Variants in MAST4 observed in about 807,000 individuals in gnomAD.
MAST4 encodes the protein microtubule-associated serine/threonine-protein kinase 4.
A neutral mutation model predicts 162.7 loss-of-function variants in MAST4; 89 were observed. That is an observed-to-expected ratio of 0.55 (90% confidence interval 0.46 to 0.65). The LOEUF (loss-of-function observed/expected upper bound fraction) is 0.65. MAST4 is among the 30% of genes least tolerant of loss of function. The pLI is 0.00. For missense variants in MAST4, 3,153 were observed against 3,374.0 expected, an observed-to-expected ratio of 0.93 and a Z score of 1.62; for synonymous variants, 1,479 against 1,361.1, an observed-to-expected ratio of 1.09 and a Z score of -1.91.
chr5:66,600,864 G>A (rs961367511), intron 1 of MAST4, among the ~76,000 whole-genome samples: 35 of 152,146 alleles, frequency 2.3e-4, no homozygotes, highest in Non-Finnish European at 4.9e-4. Context: ...TCCTTAGAAT[G>A]GCAGAAAAGG....
At chr5:66,636,261 T>C (rs1745116533) in intron 1 of MAST4, among the ~76,000 whole-genome samples, 1 of 152,070 alleles carries the variant, frequency 6.6e-6, no homozygotes, top group Non-Finnish European at 1.5e-5. Context: ...TGGCCAAATA[T>C]AGACCTTTTA....
intron 1 of MAST4, among the ~76,000 whole-genome samples, chr5:66,749,852 A>T (rs977445826): frequency 4.2e-4 from 64 of 152,224 alleles, no homozygotes; most frequent in Non-Finnish European, 1.2e-4. Context: ...GAAACGAATA[A>T]TGAGTGTTTT....
At chr5:66,598,177 A>C (rs1742322793) in intron 1 of MAST4, among the ~76,000 whole-genome samples, 1 of 152,190 alleles carries the variant, frequency 6.6e-6, no homozygotes. Flanking sequence ...AGATGGAACA[A>C]GCCTTAGCTG....
chr5:66,750,534 C>T (rs1008270845), intron 1 of MAST4, among the ~76,000 whole-genome samples: 11 of 152,300 alleles, frequency 7.2e-5, no homozygotes, highest in South Asian at 2.1e-4. Context: ...AAAGGGGTGA[C>T]GGACGCACCT....
rs1774361215 is a variant in MAST4 at position 67,169,255 on chromosome 5, T to C, written c.*2204T>C. ...ATTTTGTATAGTGTATCATCATTTTTGCCAAATATGTTTTTCATTATAAAT... is the reference window on the plus strand; with the variant it reads ...ATTTTGTATAGTGTATCATCATTTTCGCCAAATATGTTTTTCATTATAAAT... On this transcript the variant is annotated 3_prime_UTR_variant, in exon 29 of 29. Coordinates refer to ENST00000403625, the MANE Select transcript of MAST4 (RefSeq NM_001164664.2). The C allele has an allele frequency of 6.6e-6, 1 of 152,240 alleles. No individual in the cohort carries two copies. The allele number at this position is 152,240 out of a possible 1,614,324, so 9.4% of individuals were successfully genotyped here.
chr5:66,946,677 A>G (rs986763262), intron 4 of MAST4, among the ~76,000 whole-genome samples: 2 of 152,152 alleles, frequency 1.3e-5, no homozygotes, highest in Non-Finnish European at 2.9e-5. Context: ...TTCCAGGTGT[A>G]TTGGAAATTA....
rs538379189 is a variant in MAST4, at chr5:67,049,061, G to GTGTA, written c.675-5342_675-5341insGTAT. 9.2e-4 allele frequency among the ~76,000 whole-genome samples: 70 copies of GTGTA among 75,890 alleles called. 1 individual carries two copies. Among genetic ancestry groups the GTGTA allele is most frequent in the South Asian group, 1.1e-3 (3 of 2,764 alleles). 49.8% of individuals were successfully genotyped at this position (75,890 alleles called of 152,430 possible). On this transcript the variant is annotated intron_variant, in intron 4 of 28. Transcript: ENST00000403625. ...TATATACGTGTATATATATATATACGTATATATATATATATATACACTACC... is the reference window on the plus strand; with the variant it reads ...TATATACGTGTATATATATATATACGTGTATATATATATATATATATACACTACC...
chr5:66,696,793 A>G (rs1471385506), intron 1 of MAST4, among the ~76,000 whole-genome samples: 3 of 152,140 alleles, frequency 2.0e-5, no homozygotes, highest in Non-Finnish European at 2.9e-5. Context: ...GGCAAAAGCA[A>G]TGGTGAGTAA....
At chr5:67,140,124 T>C (rs929201997) in intron 19 of MAST4, among the ~76,000 whole-genome samples, 1 of 152,176 alleles carries the variant, frequency 6.6e-6, no homozygotes, top group Admixed American at 6.5e-5. Context: ...GGCTGGGCCA[T>C]TGATGTGGCC....
In MAST4 at chr5:67,165,482, G is replaced by A. The variant is rs745454923; in HGVS notation, c.6303G>A (p.Lys2101=). The change falls in exon 29 of 29, where the codon AAG becomes AAA. Residue 2101 remains lysine (K), a synonymous_variant. Coordinates refer to ENST00000403625, the MANE Select transcript of MAST4 (RefSeq NM_001164664.2). ...AGCCACCTGGAATTGAGAGTGAGAAGAGTGAAAAGCTCTCCAGTTTCCCAT... is the reference window on the plus strand; with the variant it reads ...AGCCACCTGGAATTGAGAGTGAGAAAAGTGAAAAGCTCTCCAGTTTCCCAT... ...SLQPPGIESE[K]SEKLSSFPSL... The A allele has an allele frequency of 6.8e-6, 11 of 1,613,862 alleles. No homozygotes were observed. Among genetic ancestry groups the A allele is most frequent in the African/African-American group, 1.3e-5 (1 of 74,936 alleles).
At chr5:66,996,421 T>A (rs1225157198) in intron 4 of MAST4, among the ~76,000 whole-genome samples, 1 of 152,162 alleles carries the variant, frequency 6.6e-6, no homozygotes, top group East Asian at 1.9e-4. Flanking sequence ...TTCCCATTTA[T>A]TACATATTTT....
intron 24 of MAST4, among the ~76,000 whole-genome samples, chr5:67,151,760 TTTTTTTC>T (rs1481590202): frequency 5.0e-5 from 7 of 140,296 alleles, no homozygotes; most frequent in African/African-American, 2.2e-4. Flanking sequence ...TTTTTTCTTC[TTTTTTTC>T]TTTTTTTTTT....
intron 4 of MAST4, among the ~76,000 whole-genome samples, chr5:66,905,909 A>G (rs1250605387): frequency 6.6e-6 from 1 of 152,182 alleles, no homozygotes; most frequent in Non-Finnish European, 1.5e-5. Context: ...TAGATGGTAA[A>G]TGTCTCTTGT....
chr5:66,659,953 G>T (rs1325926931), intron 1 of MAST4, among the ~76,000 whole-genome samples: 1 of 129,052 alleles, frequency 7.7e-6, no homozygotes, highest in Non-Finnish European at 1.7e-5. Flanking sequence ...ATAGAGATGT[G>T]GTTGCTTGTG....
chr5:66,917,102 T>C, intron 4 of MAST4: 1 of 712,738 alleles, frequency 1.4e-6, no homozygotes, highest in South Asian at 1.5e-5. Context: ...GCCCATTTTC[T>C]ACATTCTCAC....
chr5:67,018,183 C>T (rs191402496), intron 4 of MAST4, among the ~76,000 whole-genome samples: 11 of 152,174 alleles, frequency 7.2e-5, no homozygotes, highest in African/African-American at 2.4e-4. Context: ...AAAAATGCAT[C>T]AGAATGGGAT....
intron 1 of MAST4, among the ~76,000 whole-genome samples, chr5:66,622,122 G>T (rs1744114626): frequency 6.6e-6 from 1 of 152,158 alleles, no homozygotes; most frequent in Non-Finnish European, 1.5e-5. Context: ...GGAGTGCTGG[G>T]GTGTGGGGTG....
chr5:66,815,937 CAAG>C (rs1561350549), intron 3 of MAST4, among the ~76,000 whole-genome samples: 1 of 152,026 alleles, frequency 6.6e-6, no homozygotes, highest in Non-Finnish European at 1.5e-5. Context: ...AGAGAAACCT[CAAG>C]GAGGAAAAGG....
At chr5:66,907,742 G>T (rs1763480637) in intron 4 of MAST4, among the ~76,000 whole-genome samples, 1 of 151,952 alleles carries the variant, frequency 6.6e-6, no homozygotes, top group South Asian at 2.1e-4. Flanking sequence ...ATTATTTCTA[G>T]AAGGCAAGGA....
Sources: gnomAD v4.1 joint callset for allele counts (sites outside exome capture counted in the v4.1 genomes callset) on GRCh38, gnomAD v4.1.1 for gene constraint, MANE v1.5 for transcripts, NCBI Gene and HGNC (gene_info 2026-07-23, HGNC 2026-07-21) for gene names.